Variants in INVS observed in about 807,000 individuals in gnomAD.
INVS encodes the protein inversin.
Under a neutral mutation model 108.8 loss-of-function variants are expected in INVS, and 86 were observed. That is an observed-to-expected ratio of 0.79 (90% CI 0.66 to 0.95). The LOEUF is 0.95. Ranked by LOEUF, INVS falls within the 40% of genes least tolerant of loss-of-function variation. The pLI is 0.00. For missense variants in INVS, 1,169 were observed against 1,297.4 expected (o/e 0.90, Z 1.52); for synonymous variants, 455 against 473.5 (o/e 0.96, Z 0.51).
chr9:100,186,058 C>T (rs1053817036), intron 3 of INVS, among the ~76,000 whole-genome samples: 2 of 152,094 alleles, frequency 1.3e-5, no homozygotes, highest in Non-Finnish European at 2.9e-5. Flanking sequence ...GGTAAATACC[C>T]AGTAGTAGAA....
At chr9:100,099,690 G>C (rs912953378) in intron 1 of INVS, among the ~76,000 whole-genome samples, 4 of 152,194 alleles carry the variant, frequency 2.6e-5, no homozygotes, top group African/African-American at 9.7e-5. Flanking sequence ...GGGATAGCAC[G>C]TCGTAAACTG....
At chr9:100,275,471 G>C (rs1480669377) in intron 12 of INVS, among the ~76,000 whole-genome samples, 1 of 152,126 alleles carries the variant, frequency 6.6e-6, no homozygotes, top group African/African-American at 2.4e-5. Flanking sequence ...TTAAGTGGTG[G>C]AGAAACTGAT....
chr9:100,227,958 C>G (rs1831383219), intron 4 of INVS, among the ~76,000 whole-genome samples: 1 of 151,798 alleles, frequency 6.6e-6, no homozygotes, highest in African/African-American at 2.4e-5. Context: ...TGCCCTACTA[C>G]CAGATACCAA....
At chr9:100,181,252 T>C (rs921048929) in intron 3 of INVS, among the ~76,000 whole-genome samples, 1 of 150,792 alleles carries the variant, frequency 6.6e-6, no homozygotes, top group African/African-American at 2.4e-5. Context: ...CACTCCTGTA[T>C]TGGAAGTTCT....
chr9:100,130,192 T>C (rs145545060), intron 3 of INVS: 1 of 152,514 alleles, frequency 6.6e-6, no homozygotes, highest in Non-Finnish European at 1.5e-5. Flanking sequence ...AGTTCATTAA[T>C]TTTTGGCCAT....
At chr9:100,299,837 C>CA (rs1297388875) in intron 16 of INVS, among the ~76,000 whole-genome samples, 1 of 152,144 alleles carries the variant, frequency 6.6e-6, no homozygotes, top group Non-Finnish European at 1.5e-5. Context: ...CAACTCCATT[C>CA]AAGATACAGT....
Position 100,187,525 on chromosome 9 carries a change from C to CTTTTTTTTTTTTTTTTTTTT in INVS, c.274-38518_274-38517insTTTTTTTTTTTTTTTTTTTT, listed in dbSNP as rs34728274. Reference sequence around the variant, plus strand: ...CATTTGTTTGTATCATCTATGATTTCTTTTTTTTTTTTTTTTTTTGAGACA... The same window carrying CTTTTTTTTTTTTTTTTTTTT: ...CATTTGTTTGTATCATCTATGATTTCTTTTTTTTTTTTTTTTTTTTTTTTTTTTTTTTTTTTTTTGAGACA... On this transcript the variant is annotated intron_variant, in intron 3 of 16. Transcript: ENST00000262457. 8.4e-4 allele frequency among the ~76,000 whole-genome samples: 89 copies of CTTTTTTTTTTTTTTTTTTTT among 105,528 alleles called. 7 individuals are homozygous for CTTTTTTTTTTTTTTTTTTTT. Among genetic ancestry groups the CTTTTTTTTTTTTTTTTTTTT allele is most frequent in the African/African-American group, 2.0e-3 (45 of 22,734 alleles). The allele number at this position is 105,528 out of a possible 152,430, so 69.2% of individuals were successfully genotyped here.
intron 3 of INVS, among the ~76,000 whole-genome samples, chr9:100,180,307 C>T (rs190523057): frequency 1.0e-4 from 15 of 149,682 alleles, no homozygotes; most frequent in Admixed American, 4.0e-4. Flanking sequence ...GATAGAGACA[C>T]GAAAAACCCT....
rs898995863 is a variant in INVS at position 100,250,344 on chromosome 9, C to G, written c.1079-1939C>G. Among the ~76,000 whole-genome samples, 12 of 152,140 alleles carry G rather than the reference C, an allele frequency of 7.9e-5. No individual in the cohort carries two copies. The South Asian group carries it at 2.1e-3, about 26-fold the overall frequency. ...TAACCACGATTCATTTCCTCTACTT[C>G]TGATTGTTTTGAAAAAAATTCTAGA... On this transcript the variant is annotated intron_variant, in intron 8 of 16. Coordinates refer to ENST00000262457, the MANE Select transcript of INVS (RefSeq NM_014425.5).
At chr9:100,100,663 ATTATATATGTACATATAATATATATATT>A (rs1826830371) in intron 1 of INVS, among the ~76,000 whole-genome samples, 1 of 44,006 alleles carries the variant, frequency 2.3e-5, no homozygotes, top group African/African-American at 1.8e-4. Flanking sequence ...TAATATATAT[ATTATATATGTACATATAATATATATATT>A]ATATATGTAC....
chr9:100,130,356 G>A (rs947335317), intron 3 of INVS: 1 of 152,010 alleles, frequency 6.6e-6, no homozygotes, highest in Non-Finnish European at 1.5e-5. Flanking sequence ...GGACTAATAT[G>A]GCAACTAAAG....
chr9:100,198,249 A>G (rs1206693795), intron 3 of INVS, among the ~76,000 whole-genome samples: 1 of 135,628 alleles, frequency 7.4e-6, no homozygotes, highest in Non-Finnish European at 1.5e-5. Flanking sequence ...ACACATTTGA[A>G]GATTGAGGGC....
In INVS at chr9:100,276,572, G is replaced by A. The variant is rs542515722; in HGVS notation, c.1784+3496G>A. Among the ~76,000 whole-genome samples, 67 of 152,074 alleles carry A rather than the reference G, an allele frequency of 4.4e-4. 3 individuals carry two copies. In the South Asian group the frequency reaches 0.013, roughly 30 times the overall value. ...CATCCAGGCTGGAGTGCAGTGGCTC[G>A]ATCTCAGCTCACTGCAACCTCCACC... On this transcript the variant is annotated intron_variant, in intron 12 of 16. Coordinates refer to ENST00000262457, the MANE Select transcript of INVS (RefSeq NM_014425.5).
intron 3 of INVS, among the ~76,000 whole-genome samples, chr9:100,168,919 C>G (rs1236225033): frequency 6.6e-6 from 1 of 152,144 alleles, no homozygotes; most frequent in Non-Finnish European, 1.5e-5. Context: ...TTTGTCTTTG[C>G]TGATGCCAGA....
At chr9:100,221,402 A>G (rs1831146588) in intron 3 of INVS, among the ~76,000 whole-genome samples, 1 of 151,662 alleles carries the variant, frequency 6.6e-6, no homozygotes, top group Non-Finnish European at 1.5e-5. Context: ...TCCTGGGCTG[A>G]AGTGATCTTC....
chr9:100,115,165 T>A (rs1827468999), intron 2 of INVS, among the ~76,000 whole-genome samples: 1 of 152,196 alleles, frequency 6.6e-6, no homozygotes, highest in Non-Finnish European at 1.5e-5. Context: ...TGCAGTGGTA[T>A]CGCATTATAG....
intron 5 of INVS, among the ~76,000 whole-genome samples, chr9:100,237,485 C>T (rs1831725425): frequency 6.6e-6 from 1 of 152,240 alleles, no homozygotes; most frequent in African/African-American, 2.4e-5. Flanking sequence ...GGCCCTGGTG[C>T]TGTAGGCACC....
intron 3 of INVS, among the ~76,000 whole-genome samples, chr9:100,217,310 A>G (rs1831021681): frequency 6.6e-6 from 1 of 152,146 alleles, no homozygotes; most frequent in Non-Finnish European, 1.5e-5. Context: ...CTCTGTCTCA[A>G]AAAAATAAAA....
At chr9:100,100,655 A>T (rs1323736464) in intron 1 of INVS, among the ~76,000 whole-genome samples, 2 of 36,294 alleles carry the variant, frequency 5.5e-5, no homozygotes, top group African/African-American at 3.2e-4. Flanking sequence ...TGTATATATA[A>T]TATATATATT....
Sources: gnomAD v4.1 joint callset for allele counts (sites outside exome capture counted in the v4.1 genomes callset) on GRCh38, gnomAD v4.1.1 for gene constraint, MANE v1.5 for transcripts, NCBI Gene and HGNC (gene_info 2026-07-23, HGNC 2026-07-21) for gene names.